NCALD: variants seen among roughly 807,000 people sequenced by gnomAD.
NCALD encodes neurocalcin delta.
A neutral mutation model predicts 18.6 loss-of-function variants in NCALD; 10 were observed. The ratio of observed to expected loss-of-function variants is 0.54; its 90% confidence interval spans 0.33 to 0.91. The LOEUF (loss-of-function observed/expected upper bound fraction) is 0.91, where lower values mean the gene tolerates loss of function less well. NCALD is among the 40% of genes least tolerant of loss of function. NCALD has a pLI of 0.03. For synonymous variants in NCALD, 88 were observed against 87.4 expected (o/e 1.01, Z -0.04); for missense variants, 184 against 247.6 (o/e 0.74, Z 1.72).
At chr8:101,970,418 C>T (rs534673376) in intron 2 of NCALD, among the ~76,000 whole-genome samples, 3 of 152,100 alleles carry the variant, frequency 2.0e-5, no homozygotes, top group Non-Finnish European at 4.4e-5. Flanking sequence ...AATGGTACTG[C>T]CTGCCCCCTC....
chr8:101,872,211 C>A (rs746229682), intron 4 of NCALD: 173 of 1,524,942 alleles, frequency 1.1e-4, no homozygotes, highest in Non-Finnish European at 1.5e-4. Flanking sequence ...AGATGACCCA[C>A]AAGCCCTCAC....
chr8:101,742,725 A>G (rs1267328367), intron 1 of NCALD, among the ~76,000 whole-genome samples: 1 of 152,162 alleles, frequency 6.6e-6, no homozygotes, highest in Non-Finnish European at 1.5e-5. Context: ...TTTGTTACAT[A>G]GGTAAATGTG....
chr8:102,066,990 A>C (rs1824029671), intron 1 of NCALD, among the ~76,000 whole-genome samples: 1 of 152,216 alleles, frequency 6.6e-6, no homozygotes, highest in Admixed American at 6.5e-5. Context: ...TCTAACAGAG[A>C]TATTGGGTGA....
At chr8:101,751,088 C>T (rs1004811286) in intron 1 of NCALD, among the ~76,000 whole-genome samples, 1 of 152,134 alleles carries the variant, frequency 6.6e-6, no homozygotes, top group Non-Finnish European at 1.5e-5. Flanking sequence ...GTAGAAACAA[C>T]CCAAAAGTTC....
chr8:101,711,307 G>T (rs1381700947), intron 2 of NCALD, among the ~76,000 whole-genome samples: 3 of 152,128 alleles, frequency 2.0e-5, no homozygotes, highest in Non-Finnish European at 4.4e-5. Flanking sequence ...CCATGAAGAT[G>T]AAGAAAAACC....
At chr8:102,038,287 G>A (rs17498500) in intron 1 of NCALD, among the ~76,000 whole-genome samples, 5,998 of 152,220 alleles carry the variant, frequency 0.039, 168 homozygotes, top group Non-Finnish European at 0.059. Flanking sequence ...CTCTGCCCAC[G>A]CCACGGGGAA....
At chr8:102,077,365 T>C (rs1346884234) in intron 1 of NCALD, among the ~76,000 whole-genome samples, 3 of 152,086 alleles carry the variant, frequency 2.0e-5, no homozygotes, top group Non-Finnish European at 4.4e-5. Flanking sequence ...AAGAAACCTT[T>C]AAAAGCTGGA....
chr8:101,985,507 G>A lies in NCALD; in HGVS notation c.-157+34730C>T, dbSNP rs188822711. Among the ~76,000 whole-genome samples the A allele has an allele frequency of 2.1e-3, 314 of 152,296 alleles. 2 individuals are homozygous for A. Among genetic ancestry groups the A allele is most frequent in the Middle Eastern group, 3.4e-3 (1 of 294 alleles). ...ATATGTCCTCAGCCAGTGAGAGGAT[G>A]GAGAAATGAGAGATGAGGCAGATTC... On this transcript the variant is annotated intron_variant, in intron 2 of 6. Coordinates refer to the NCALD transcript ENST00000311028.
chr8:102,013,030 C>T (rs1161935358), intron 2 of NCALD, among the ~76,000 whole-genome samples: 1 of 152,134 alleles, frequency 6.6e-6, no homozygotes, highest in Non-Finnish European at 1.5e-5. Context: ...CACATACATA[C>T]ATAAGTATTA....
intron 1 of NCALD, among the ~76,000 whole-genome samples, chr8:102,086,664 T>C (rs575956306): frequency 6.6e-6 from 1 of 152,300 alleles, no homozygotes; most frequent in Admixed American, 6.5e-5. Context: ...TTTCTCATGC[T>C]CCCACACCTC....
chr8:101,995,737 G>T (rs1057105589), intron 2 of NCALD, among the ~76,000 whole-genome samples: 4 of 152,122 alleles, frequency 2.6e-5, no homozygotes, highest in African/African-American at 9.7e-5. Context: ...TGAGATTTGG[G>T]TGGAGACATA....
chr8:101,834,418 T>G (rs937737237), intron 4 of NCALD, among the ~76,000 whole-genome samples: 3 of 152,240 alleles, frequency 2.0e-5, no homozygotes, highest in Non-Finnish European at 2.9e-5. Context: ...GACTCAGCTA[T>G]TCACTCCGTG....
intron 1 of NCALD, among the ~76,000 whole-genome samples, chr8:101,751,393 T>A (rs966868519): frequency 6.6e-6 from 1 of 152,144 alleles, no homozygotes; most frequent in Non-Finnish European, 1.5e-5. Flanking sequence ...GTACATAGTT[T>A]CTCTATGGAA....
chr8:102,062,306 A>T (rs553536498), intron 1 of NCALD, among the ~76,000 whole-genome samples: 57 of 152,342 alleles, frequency 3.7e-4, no homozygotes, highest in Non-Finnish European at 6.3e-4. Context: ...CTGTCTCAAA[A>T]ACAAACAACA....
At chr8:101,978,709 C>T (rs544026716) in intron 2 of NCALD, among the ~76,000 whole-genome samples, 1 of 152,204 alleles carries the variant, frequency 6.6e-6, no homozygotes, top group East Asian at 1.9e-4. Context: ...CATGAGGGGG[C>T]AGGCAGACTG....
chr8:101,817,249 T>A lies in NCALD; in HGVS notation c.-20+69892A>T, dbSNP rs187190973. On this transcript the variant is annotated intron_variant, in intron 4 of 6. Transcript: ENST00000311028. ...GGCTAACACAGAATCAACTTTCTCC[T>A]CCTACTTGGTGGAGCCAGCAGAAGA... 2.2e-3 allele frequency among the ~76,000 whole-genome samples: 336 copies of A among 152,214 alleles called. 1 individual carries two copies. Among genetic ancestry groups the A allele is most frequent in the South Asian group, 0.021 (100 of 4,818 alleles).
chr8:101,730,427 C>A (rs1384656470), intron 1 of NCALD, among the ~76,000 whole-genome samples: 1 of 131,982 alleles, frequency 7.6e-6, no homozygotes, highest in African/African-American at 3.1e-5. Context: ...TTGTGGTGAT[C>A]CAAGATCGTG....
chr8:101,990,677 G>A (rs1183982452), intron 2 of NCALD, among the ~76,000 whole-genome samples: 1 of 152,148 alleles, frequency 6.6e-6, no homozygotes, highest in East Asian at 1.9e-4. Context: ...TGCCACGATT[G>A]TGAGGCCTCC....
chr8:101,783,565 C>A (rs1053707205), intron 1 of NCALD, among the ~76,000 whole-genome samples: 5 of 152,130 alleles, frequency 3.3e-5, no homozygotes, highest in African/African-American at 1.2e-4. Context: ...CAGTTTCTAA[C>A]AATAGAAAAG....
Sources: allele counts gnomAD v4.1 joint callset (sites outside exome capture counted in the v4.1 genomes callset), GRCh38; gene constraint gnomAD v4.1.1; transcripts MANE v1.5; gene names NCBI Gene and HGNC (gene_info 2026-07-23, HGNC 2026-07-21).